TRPC6: variants seen among roughly 807,000 people sequenced by gnomAD.
TRPC6 encodes the protein transient receptor potential cation channel subfamily C member 6.
A neutral mutation model predicts 90.7 loss-of-function variants in TRPC6; 55 were observed. The observed-to-expected ratio is 0.61, with a 90% CI of 0.49 to 0.76. The LOEUF is 0.76. Ranked by LOEUF, TRPC6 falls within the 30% of genes least tolerant of loss-of-function variation. The pLI, the probability that TRPC6 is intolerant of heterozygous loss-of-function variation, is 0.00. For synonymous variants in TRPC6, 393 were observed against 393.0 expected, an observed-to-expected ratio of 1.00 and a Z score of 0.00; for missense variants, 989 against 1,122.7, an observed-to-expected ratio of 0.88 and a Z score of 1.70.
chr11:101,519,316 C>CA (rs1565227137), intron 1 of TRPC6, among the ~76,000 whole-genome samples: 3 of 113,070 alleles, frequency 2.7e-5, no homozygotes, highest in African/African-American at 1.1e-4. Flanking sequence ...TAAATATATA[C>CA]ACCTATGTAC....
chr11:101,457,410 C>T (rs1458041093), intron 10 of TRPC6, among the ~76,000 whole-genome samples: 1 of 152,098 alleles, frequency 6.6e-6, no homozygotes, highest in Non-Finnish European at 1.5e-5. Context: ...GTGAGCAATA[C>T]TAATAACTTG....
chr11:101,533,327 G>A (rs750557347), intron 1 of TRPC6, among the ~76,000 whole-genome samples: 6 of 152,142 alleles, frequency 3.9e-5, no homozygotes, highest in Admixed American at 6.5e-5. Context: ...GCGGAAACAG[G>A]CACATCACAT....
At chr11:101,483,257 A>G in intron 4 of TRPC6, 92 bp from the exon 5 acceptor site, 1 of 1,247,874 alleles carries the variant, frequency 8.0e-7, no homozygotes, top group Admixed American at 1.9e-5. Flanking sequence ...ACATCTGCAC[A>G]TTCCAATGAT....
At chr11:101,476,641 C>G in intron 5 of TRPC6, 107 bp from the exon 6 acceptor site, 2 of 1,060,788 alleles carry the variant, frequency 1.9e-6, no homozygotes, top group Non-Finnish European at 2.8e-6. Context: ...CAAAACCCTT[C>G]AAAATTTGGT....
chr11:101,556,311 T>C (rs1861559485), intron 1 of TRPC6, among the ~76,000 whole-genome samples: 1 of 147,820 alleles, frequency 6.8e-6, no homozygotes, highest in African/African-American at 2.5e-5. Context: ...CAACAAACCT[T>C]TAGTTGGGCT....
At chr11:101,521,466 A>G (rs140940123) in intron 1 of TRPC6, among the ~76,000 whole-genome samples, 1 of 152,374 alleles carries the variant, frequency 6.6e-6, no homozygotes, top group Non-Finnish European at 1.5e-5. Context: ...TCCAGGCAGA[A>G]GTCTACTGCA....
At chr11:101,511,265 C>G (rs1860387163) in intron 1 of TRPC6, among the ~76,000 whole-genome samples, 1 of 152,142 alleles carries the variant, frequency 6.6e-6, no homozygotes. Context: ...TCTCTGGGCA[C>G]ATACCCTATG....
chr11:101,491,433 C>CAA (rs71056610), intron 3 of TRPC6, 123 bp downstream of exon 3: 1,899 of 1,116,020 alleles, frequency 1.7e-3, no homozygotes, highest in Middle Eastern at 1.6e-3. Flanking sequence ...GACTCCATCT[C>CAA]AAAAAAAAAA....
At chr11:101,579,722 T>A (rs944275034) in intron 1 of TRPC6, among the ~76,000 whole-genome samples, 3 of 152,182 alleles carry the variant, frequency 2.0e-5, no homozygotes, top group African/African-American at 7.2e-5. Flanking sequence ...ACTGTTAAAG[T>A]TTCCTGTTCT....
At chr11:101,579,034 G>A (rs1435680911) in intron 1 of TRPC6, among the ~76,000 whole-genome samples, 1 of 151,468 alleles carries the variant, frequency 6.6e-6, no homozygotes, top group Non-Finnish European at 1.5e-5. Context: ...CATTATTTCT[G>A]GAAAATCCTT....
At chr11:101,459,026 A>T (rs1052983964) in intron 10 of TRPC6, among the ~76,000 whole-genome samples, 2 of 152,236 alleles carry the variant, frequency 1.3e-5, no homozygotes, top group African/African-American at 4.8e-5. Flanking sequence ...ATTATTTGAA[A>T]TATAAATGAT....
rs1439553957 is a variant in TRPC6, at chr11:101,452,123, G to C, written c.*832C>G. 2 of 152,112 alleles carry C rather than the reference G, an allele frequency of 1.3e-5. No homozygotes were observed. The highest frequency in any genetic ancestry group is 2.9e-5 in the Non-Finnish European group (2 of 68,022). The allele number at this position is 152,112 out of a possible 1,614,324, so 9.4% of individuals were successfully genotyped here. A position where few individuals can be genotyped will look rare whatever the true frequency, so the allele number is the denominator to read the frequency against. On this transcript the variant is annotated 3_prime_UTR_variant, in exon 13 of 13. Coordinates refer to ENST00000344327, the MANE Select transcript of TRPC6 (RefSeq NM_004621.6). ...GCTATAATGGAACCAAACAACCACAGTGTTTGTTTGGGGTTTTGATTTTTC... is the reference window on the plus strand; with the variant it reads ...GCTATAATGGAACCAAACAACCACACTGTTTGTTTGGGGTTTTGATTTTTC...
At chr11:101,473,215 C>A (rs983259306) in intron 7 of TRPC6, among the ~76,000 whole-genome samples, 2 of 152,028 alleles carry the variant, frequency 1.3e-5, no homozygotes, top group African/African-American at 4.8e-5. Flanking sequence ...GAATATTCAG[C>A]AAATTACTTA....
intron 1 of TRPC6, among the ~76,000 whole-genome samples, chr11:101,523,146 A>T (rs1860699157): frequency 6.6e-6 from 1 of 152,202 alleles, no homozygotes; most frequent in South Asian, 2.1e-4. Context: ...TCATGCTCTG[A>T]TCTACCAAGG....
intron 1 of TRPC6, among the ~76,000 whole-genome samples, chr11:101,578,250 A>G (rs1014293183): frequency 6.6e-6 from 1 of 152,192 alleles, no homozygotes; most frequent in African/African-American, 2.4e-5. Context: ...CAAGGGAGAG[A>G]TAACAAGGAT....
chr11:101,569,378 G>A (rs1341883063), intron 1 of TRPC6, among the ~76,000 whole-genome samples: 1 of 152,160 alleles, frequency 6.6e-6, no homozygotes, highest in Non-Finnish European at 1.5e-5. Flanking sequence ...CAAGTTCTTA[G>A]AGACCTACAA....
At position 101,476,449 on chromosome 11, in the gene TRPC6, A is replaced by C; in HGVS notation, c.1596T>G (p.Gly532=). ...LFELWNMLDF[G]MLAIFAASFI... is the part of the protein sequence containing the mutation. ...ATGATGCTGCGAAAATTGCTAACAT[A>C]CCAAAATCAAGCATGTTCCACAACT... Residue 532 remains glycine, a synonymous_variant, in exon 6 of 13, where the codon GGT becomes GGG. Coordinates refer to ENST00000344327, the MANE Select transcript of TRPC6 (RefSeq NM_004621.6). 3 of 1,614,142 alleles carry C rather than the reference A, an allele frequency of 1.9e-6. No homozygotes were observed. The highest frequency in any genetic ancestry group is 2.5e-6 in the Non-Finnish European group (3 of 1,180,000).
chr11:101,457,806 G>T (rs372864518), intron 10 of TRPC6, among the ~76,000 whole-genome samples: 1 of 152,098 alleles, frequency 6.6e-6, no homozygotes, highest in East Asian at 1.9e-4. Context: ...AAAGAGATGG[G>T]GTATAGAGAA....
chr11:101,583,578 G>A lies in TRPC6; in HGVS notation c.-75C>T. On this transcript the variant is annotated 5_prime_UTR_variant, in exon 1 of 13. Transcript: ENST00000344327. Reference sequence around the variant, plus strand: ...GGCAGTTCCAGCGGGGACCCGGTGCGGAGGGTTCGCGTCAGCGGCCGAACT... The same window carrying A: ...GGCAGTTCCAGCGGGGACCCGGTGCAGAGGGTTCGCGTCAGCGGCCGAACT... The A allele has an allele frequency of 7.2e-7, 1 of 1,388,694 alleles. No homozygotes were observed. The highest frequency in any genetic ancestry group is 1.6e-5 in the South Asian group (1 of 62,192). 86.0% of individuals were successfully genotyped at this position (1,388,694 alleles called of 1,614,324 possible). A position where few individuals can be genotyped will look rare whatever the true frequency, so the allele number is the denominator to read the frequency against.
Sources: allele counts gnomAD v4.1 joint callset (sites outside exome capture counted in the v4.1 genomes callset), GRCh38; gene constraint gnomAD v4.1.1; transcripts MANE v1.5; gene names NCBI Gene and HGNC (gene_info 2026-07-23, HGNC 2026-07-21).